The following COL4A5 variants were observed in gnomAD, a reference collection of about 807,000 sequenced individuals.
COL4A5 encodes collagen type IV alpha 5 chain.
A neutral mutation model predicts 130.2 loss-of-function variants in COL4A5; 26 were observed. The ratio of observed to expected loss-of-function variants is 0.20; its 90% confidence interval spans 0.15 to 0.28. The LOEUF is 0.28. Ranked by LOEUF, COL4A5 falls within the 10% of genes least tolerant of loss-of-function variation. The probability of loss-of-function intolerance (pLI) is 1.00; values close to 1 mark genes in which losing one functional copy is unlikely to be tolerated. For synonymous variants in COL4A5, 496 were observed against 439.6 expected (o/e 1.13, Z -1.60); for missense variants, 1,131 against 1,344.3 (o/e 0.84, Z 2.48).
intron 36 of COL4A5, among the ~76,000 whole-genome samples, chrX:108,638,270 CA>C (rs2067391588): frequency 9.0e-6 from 1 of 110,798 alleles, no homozygotes; most frequent in African/African-American, 3.3e-5. Context: ...GTTCAGCATA[CA>C]AAAATCATTA....
At chrX:108,666,411 T>G in intron 38 of COL4A5, 85 bp from the exon 39 acceptor site, 2 of 684,284 alleles carry the variant, frequency 2.9e-6, no homozygotes, top group Middle Eastern at 2.9e-4. Flanking sequence ...CCTTGTTTCT[T>G]TTGGATAAAG....
intron 36 of COL4A5, among the ~76,000 whole-genome samples, chrX:108,645,805 C>G (rs1403794031): frequency 9.8e-6 from 1 of 102,426 alleles, no homozygotes; most frequent in Non-Finnish European, 2.0e-5. Context: ...TGTTCAACTC[C>G]CACCCATGAA....
intron 2 of COL4A5, among the ~76,000 whole-genome samples, chrX:108,544,924 T>A (rs1246969203): frequency 1.8e-5 from 2 of 112,079 alleles, no homozygotes; most frequent in African/African-American, 3.2e-5. Context: ...TTTCTGATGG[T>A]AGTTTGTATT....
chrX:108,562,623 C>G, intron 3 of COL4A5, among the ~76,000 whole-genome samples: 1 of 111,359 alleles, frequency 9.0e-6, no homozygotes, highest in East Asian at 2.8e-4. Context: ...TTTCAGGATT[C>G]TGAATTTGAA....
rs148525914 is a variant in COL4A5 at position 108,624,319 on chromosome X, T to C, written c.3001T>C (p.Leu1001=). The change falls in exon 34 of 53, where the codon TTA becomes CTA. Residue 1001 remains leucine, a synonymous_variant. Transcript: ENST00000328300. ...GQPGLSGQPG[L]PGPPGPKGNP... ...ACCTGGACTGAGTGGACAACCTGGATTACCAGGACCACCAGGTAAGTGTGA... is the reference window on the plus strand; with the variant it reads ...ACCTGGACTGAGTGGACAACCTGGACTACCAGGACCACCAGGTAAGTGTGA... 16 of 1,203,561 alleles carry C rather than the reference T, an allele frequency of 1.3e-5. No homozygotes were observed. The African/African-American group carries it at 2.8e-4, about 21-fold the overall frequency.
chrX:108,686,887 T>C (rs1034757482), intron 48 of COL4A5, among the ~76,000 whole-genome samples: 5 of 112,077 alleles, frequency 4.5e-5, no homozygotes, highest in African/African-American at 1.6e-4. Context: ...ATTTCATTAA[T>C]GCTATATTTC....
intron 22 of COL4A5, 34 bp from the exon 23 acceptor site, chrX:108,596,963 GT>G: frequency 8.9e-7 from 1 of 1,122,095 alleles, no homozygotes; most frequent in Non-Finnish European, 1.2e-6. Flanking sequence ...ACGTTATTGT[GT>G]GTGTGTGTGT....
At chrX:108,485,908 A>G (rs1346219629) in intron 1 of COL4A5, among the ~76,000 whole-genome samples, 1 of 110,450 alleles carries the variant, frequency 9.1e-6, no homozygotes, top group Non-Finnish European at 1.9e-5. Context: ...TGTGGCCTAG[A>G]TTTTCTTTCA....
chrX:108,597,335 T>C, intron 23 of COL4A5, 42 bp from the exon 24 acceptor site: 1 of 1,155,430 alleles, frequency 8.7e-7, no homozygotes, highest in Non-Finnish European at 1.2e-6. Flanking sequence ...TTCTCTTTCT[T>C]CTTTTTCCAC....
At chrX:108,540,647 C>T (rs944898608) in intron 2 of COL4A5, among the ~76,000 whole-genome samples, 2 of 111,005 alleles carry the variant, frequency 1.8e-5, no homozygotes, top group South Asian at 7.7e-4. Context: ...GATGGGGTTT[C>T]GCCTTGTTGG....
chrX:108,654,992 T>C (rs2067809885), intron 36 of COL4A5, among the ~76,000 whole-genome samples: 1 of 111,724 alleles, frequency 9.0e-6, no homozygotes, highest in African/African-American at 3.3e-5. Flanking sequence ...ATAGGGTTGT[T>C]AAGGATTAAT....
At chrX:108,661,861 T>C (rs2067962355) in intron 37 of COL4A5, among the ~76,000 whole-genome samples, 1 of 111,178 alleles carries the variant, frequency 9.0e-6, no homozygotes, top group Non-Finnish European at 1.9e-5. Context: ...GGCTTTATTG[T>C]TAATGTGTGG....
At chrX:108,624,809 T>C (rs1450469826) in intron 34 of COL4A5, among the ~76,000 whole-genome samples, 1 of 111,722 alleles carries the variant, frequency 9.0e-6, no homozygotes, top group East Asian at 2.8e-4. Flanking sequence ...CTCTTGGTAG[T>C]CAGTTACAGC....
chrX:108,665,525 G>A lies in COL4A5; in HGVS notation c.3392G>A (p.Gly1131Glu). The A allele has an allele frequency of 8.3e-7, 1 of 1,208,261 alleles. No homozygotes were observed. The highest frequency in any genetic ancestry group is 1.1e-6 in the Non-Finnish European group (1 of 892,865). Residue 1131 changes from glycine to glutamate, a missense_variant, in exon 38 of 53, where the codon GGA becomes GAA. Transcript: ENST00000328300. ...ACTCTAGGAACCCCAGGCCCTCCTG[G>A]ACCAAAAGGTATTAGTGGCCCTCCT... ...PGFPGTPGPP[G>E]PKGISGPPGN...
chrX:108,500,945 G>A (rs1213674634), intron 1 of COL4A5, among the ~76,000 whole-genome samples: 6 of 110,678 alleles, frequency 5.4e-5, no homozygotes, highest in Non-Finnish European at 1.1e-4. Context: ...GTTGGGAGGT[G>A]GAGAGAGAGA....
intron 33 of COL4A5, 64 bp downstream of exon 33, chrX:108,622,889 G>T (rs1474501474): frequency 1.9e-6 from 2 of 1,054,499 alleles, no homozygotes; most frequent in Non-Finnish European, 2.6e-6. Flanking sequence ...TTTTTAAATA[G>T]CATGAAAAGT....
rs756112492 is a variant in COL4A5 at position 108,680,760 on chromosome X, A to T, written c.4015+9A>T. The T allele has an allele frequency of 8.3e-7, 1 of 1,207,102 alleles. No individual in the cohort carries two copies. The highest frequency in any genetic ancestry group is 1.1e-6 in the Non-Finnish European group (1 of 891,689). ...TGTTCCAGGATTCCCAGGTATTTGA[A>T]GGGATTTTTGTGGTTTCCCTTTATA... On this transcript the variant is annotated intron_variant, in intron 45 of 52. Transcript: ENST00000328300.
intron 2 of COL4A5, among the ~76,000 whole-genome samples, chrX:108,542,510 T>C (rs1346432826): frequency 2.7e-5 from 3 of 111,077 alleles, no homozygotes; most frequent in Non-Finnish European, 3.8e-5. Flanking sequence ...CCTATCATTG[T>C]TGGACATTTG....
At chrX:108,504,735 A>G (rs2065109429) in intron 1 of COL4A5, among the ~76,000 whole-genome samples, 1 of 112,097 alleles carries the variant, frequency 8.9e-6, no homozygotes, top group East Asian at 2.8e-4. Context: ...AAAGTCAAAG[A>G]ACAATACATG....
Sources: allele counts gnomAD v4.1 joint callset (sites outside exome capture counted in the v4.1 genomes callset), GRCh38; gene constraint gnomAD v4.1.1; transcripts MANE v1.5; gene names NCBI Gene and HGNC (gene_info 2026-07-23, HGNC 2026-07-21).